Variants in ULK4 observed in about 807,000 individuals in gnomAD.
ULK4 encodes inactive serine/threonine-protein kinase ULK4.
ULK4 carries 133 observed loss-of-function variants against 160.6 expected under a neutral mutation model. The ratio of observed to expected loss-of-function variants is 0.83; its 90% CI spans 0.72 to 0.96. The LOEUF is 0.96. ULK4 is among the 40% of genes least tolerant of loss of function. The pLI, the probability that ULK4 is intolerant of heterozygous loss-of-function variation, is 0.00. For synonymous variants in ULK4, 534 were observed against 539.8 expected, an observed-to-expected ratio of 0.99 and a Z score of 0.15; for missense variants, 1,580 against 1,499.5, an observed-to-expected ratio of 1.05 and a Z score of -0.89.
chr3:41,819,373 A>G (rs1193528988), intron 19 of ULK4, 50 bp downstream of exon 19: 6 of 1,557,406 alleles, frequency 3.9e-6, no homozygotes, highest in Non-Finnish European at 5.3e-6. Flanking sequence ...CAGTGCCTGA[A>G]GGGTTATTAC....
intron 31 of ULK4, among the ~76,000 whole-genome samples, chr3:41,579,648 C>G (rs1489425961): frequency 6.6e-6 from 1 of 151,940 alleles, no homozygotes; most frequent in African/African-American, 2.4e-5. Context: ...CGCGCGCCTC[C>G]ATGCCCGGCT....
At chr3:41,252,349 G>A (rs2078757451) in intron 35 of ULK4, among the ~76,000 whole-genome samples, 1 of 152,056 alleles carries the variant, frequency 6.6e-6, no homozygotes, top group African/African-American at 2.4e-5. Flanking sequence ...AGACTTCAAA[G>A]TGCTATTATA....
chr3:41,464,200 T>C (rs542466937), intron 32 of ULK4, among the ~76,000 whole-genome samples: 2 of 152,302 alleles, frequency 1.3e-5, no homozygotes, highest in South Asian at 4.1e-4. Flanking sequence ...GCACCTCTTC[T>C]ATACAGTGCA....
At chr3:41,263,271 G>C (rs1184967309) in intron 35 of ULK4, among the ~76,000 whole-genome samples, 2 of 152,188 alleles carry the variant, frequency 1.3e-5, no homozygotes, top group African/African-American at 4.8e-5. Context: ...TGGGGTCATA[G>C]TGAGCTGTGT....
intron 21 of ULK4, among the ~76,000 whole-genome samples, chr3:41,762,256 G>C (rs990254489): frequency 2.6e-5 from 4 of 151,070 alleles, no homozygotes; most frequent in Middle Eastern, 3.4e-3. Context: ...CTATATTTTT[G>C]TGCCCATTAA....
At chr3:41,270,914 C>T (rs924098465) in intron 35 of ULK4, among the ~76,000 whole-genome samples, 10 of 152,132 alleles carry the variant, frequency 6.6e-5, no homozygotes, top group Admixed American at 2.6e-4. Context: ...AACCATCTTT[C>T]TAAACTATTT....
intron 31 of ULK4, among the ~76,000 whole-genome samples, chr3:41,590,224 G>A (rs555033488): frequency 1.3e-5 from 2 of 151,498 alleles, no homozygotes; most frequent in Non-Finnish European, 1.5e-5. Context: ...GGATGGTCTC[G>A]CTCTCCTGAC....
intron 16 of ULK4, among the ~76,000 whole-genome samples, chr3:41,888,446 T>C (rs1697805560): frequency 6.6e-6 from 1 of 152,164 alleles, no homozygotes; most frequent in Non-Finnish European, 1.5e-5. Flanking sequence ...ATCCTCTATC[T>C]AAGAATCACA....
chr3:41,785,633 G>T (rs1329223843), intron 21 of ULK4, among the ~76,000 whole-genome samples: 1 of 152,128 alleles, frequency 6.6e-6, no homozygotes, highest in African/African-American at 2.4e-5. Context: ...AAGCAATTTT[G>T]TATTTGCTCC....
chr3:41,476,336 G>A (rs987538335), intron 32 of ULK4, among the ~76,000 whole-genome samples: 1 of 152,164 alleles, frequency 6.6e-6, no homozygotes, highest in African/African-American at 2.4e-5. Context: ...CTTTTGGTAT[G>A]GAGGGGAGAA....
intron 35 of ULK4, among the ~76,000 whole-genome samples, chr3:41,349,240 T>C (rs191523252): frequency 7.7e-4 from 118 of 152,324 alleles, no homozygotes; most frequent in Admixed American, 1.3e-3. Flanking sequence ...CAAATATCCA[T>C]CTATCCTTCC....
intron 35 of ULK4, among the ~76,000 whole-genome samples, chr3:41,328,845 T>C (rs946349428): frequency 1.3e-5 from 2 of 152,180 alleles, no homozygotes; most frequent in African/African-American, 4.8e-5. Flanking sequence ...TCCACAGCCA[T>C]GTTCTTATGT....
chr3:41,322,189 G>A (rs888368170), intron 35 of ULK4, among the ~76,000 whole-genome samples: 1 of 142,972 alleles, frequency 7.0e-6, no homozygotes, highest in Non-Finnish European at 1.5e-5. Context: ...GCACCACCAC[G>A]CCCTGCTCCT....
In ULK4 at chr3:41,886,963, A is replaced by C. The variant is rs184870072; in HGVS notation, c.1578-3011T>G. Among the ~76,000 whole-genome samples the C allele has an allele frequency of 2.4e-4, 36 of 152,370 alleles. 1 individual carries two copies. The highest frequency in any genetic ancestry group is 4.4e-5 in the Non-Finnish European group (3 of 68,036). On this transcript the variant is annotated intron_variant, in intron 16 of 36. Transcript: ENST00000301831. ...CAATTTTCTTCTCTTCCAAGCACAG[A>C]GAGAAGGCAACAATGAATACATTCA...
chr3:41,589,017 T>C (rs1355133311), intron 31 of ULK4, among the ~76,000 whole-genome samples: 1 of 152,082 alleles, frequency 6.6e-6, no homozygotes, highest in African/African-American at 2.4e-5. Context: ...ATGAGACATG[T>C]CATAAAATGG....
chr3:41,798,022 T>G (rs1385125625), intron 20 of ULK4, among the ~76,000 whole-genome samples: 1 of 152,004 alleles, frequency 6.6e-6, no homozygotes, highest in Non-Finnish European at 1.5e-5. Flanking sequence ...GGAGACACTG[T>G]TGGGACAACT....
chr3:41,706,422 A>G (rs2036889887), intron 25 of ULK4, among the ~76,000 whole-genome samples: 1 of 146,090 alleles, frequency 6.8e-6, no homozygotes, highest in Admixed American at 6.9e-5. Context: ...AATATATATT[A>G]AACAAAATAA....
chr3:41,789,054 G>T lies in ULK4; in HGVS notation c.2193+607C>A, dbSNP rs901577303. ...CAAGCTTCTAGGTGATGTCAATGCTGCTGGTCCAGGGATCACTCTTTAACA... is the reference window on the plus strand; with the variant it reads ...CAAGCTTCTAGGTGATGTCAATGCTTCTGGTCCAGGGATCACTCTTTAACA... On this transcript the variant is annotated intron_variant, in intron 21 of 36. Transcript: ENST00000301831. Among the ~76,000 whole-genome samples, 7 of 152,190 alleles carry T rather than the reference G, an allele frequency of 4.6e-5. No individual in the cohort carries two copies. The South Asian group carries it at 8.3e-4, about 18-fold the overall frequency.
At chr3:41,503,801 CCTT>C (rs2085290351) in intron 32 of ULK4, among the ~76,000 whole-genome samples, 1 of 152,134 alleles carries the variant, frequency 6.6e-6, no homozygotes, top group Non-Finnish European at 1.5e-5. Flanking sequence ...AATACTCTCT[CCTT>C]CTGAAAAAAT....
Sources: gnomAD v4.1 joint callset for allele counts (sites outside exome capture counted in the v4.1 genomes callset) on GRCh38, gnomAD v4.1.1 for gene constraint, MANE v1.5 for transcripts, NCBI Gene and HGNC (gene_info 2026-07-23, HGNC 2026-07-21) for gene names.